The following KHDC4 variants were observed in gnomAD, a reference collection of about 807,000 sequenced individuals.
KHDC4 encodes KH homology domain-containing protein 4.
KHDC4 carries 19 observed loss-of-function variants against 74.5 expected under a neutral mutation model. That is an observed-to-expected ratio of 0.26 (90% CI 0.18 to 0.37). The LOEUF is 0.37. Ranked by LOEUF, KHDC4 falls within the 10% of genes least tolerant of loss-of-function variation. The pLI, the probability that KHDC4 is intolerant of heterozygous loss-of-function variation, is 1.00. For missense variants in KHDC4, 632 were observed against 754.1 expected, an observed-to-expected ratio of 0.84 and a Z score of 1.90; for synonymous variants, 253 against 266.1, an observed-to-expected ratio of 0.95 and a Z score of 0.48.
intron 2 of KHDC4, chr1:155,932,483 C>G (rs1397934108): frequency 1.3e-5 from 2 of 151,934 alleles, no homozygotes; most frequent in Non-Finnish European, 2.9e-5. Flanking sequence ...GATTCTAAAT[C>G]CAGTGTTTAT....
intron 8 of KHDC4, among the ~76,000 whole-genome samples, chr1:155,923,228 T>C (rs1055117638): frequency 9.2e-5 from 14 of 151,648 alleles, no homozygotes; most frequent in African/African-American, 2.7e-4. Flanking sequence ...TAACTTTTGG[T>C]TGTTTATAGA....
At position 155,933,857 on chromosome 1, in the gene KHDC4, G is replaced by A. The variant is rs751997204; in HGVS notation, c.39-8C>T. The A allele has an allele frequency of 1.3e-6, 2 of 1,519,740 alleles. No homozygotes were observed. The highest frequency in any genetic ancestry group is 4.5e-5 in the Admixed American group (2 of 44,286). The allele number at this position is 1,519,740 out of a possible 1,614,324, so 94.1% of individuals were successfully genotyped here. A position where few individuals can be genotyped will look rare whatever the true frequency, so the allele number is the denominator to read the frequency against. On this transcript the variant is annotated splice_polypyrimidine_tract_variant and splice_region_variant and intron_variant, in intron 1 of 13. Transcript: ENST00000368321. ...TCCCATTTGCTGCGGCGCCTACATG[G>A]AGAAAAAGGAAAACATTAGGCCCCA...
chr1:155,933,386 G>A (rs1309047313), intron 2 of KHDC4, among the ~76,000 whole-genome samples: 1 of 151,962 alleles, frequency 6.6e-6, no homozygotes, highest in Non-Finnish European at 1.5e-5. Flanking sequence ...CGCCTCCCGG[G>A]TTCAAGCAGT....
intron 10 of KHDC4, among the ~76,000 whole-genome samples, chr1:155,918,771 T>C (rs1673787592): frequency 6.6e-6 from 1 of 152,204 alleles, no homozygotes. Context: ...GGTGGCTGAC[T>C]GTATTAATAA....
chr1:155,916,346 T>A (rs771851196), intron 12 of KHDC4, among the ~76,000 whole-genome samples: 6 of 152,208 alleles, frequency 3.9e-5, no homozygotes, highest in Non-Finnish European at 7.3e-5. Context: ...TCTGTTACTG[T>A]CTACCCTTAG....
At chr1:155,933,291 C>CTT (rs34151525) in intron 2 of KHDC4, among the ~76,000 whole-genome samples, 22 of 143,882 alleles carry the variant, frequency 1.5e-4, no homozygotes, top group Non-Finnish European at 2.1e-4. Context: ...TTACAAACAA[C>CTT]TTTTTTTTTT....
intron 13 of KHDC4, 86 bp from the exon 14 acceptor site, chr1:155,914,406 G>A (rs1673688402): frequency 8.7e-7 from 1 of 1,151,274 alleles, no homozygotes; most frequent in South Asian, 1.4e-5. Flanking sequence ...AAAAAAAGAT[G>A]TTAATTTTAA....
At chr1:155,920,333 G>A (rs1352933205) in intron 10 of KHDC4, among the ~76,000 whole-genome samples, 1 of 152,034 alleles carries the variant, frequency 6.6e-6, no homozygotes, top group African/African-American at 2.4e-5. Context: ...AGCTACTTGG[G>A]AGGCTGAGGC....
intron 3 of KHDC4, 45 bp from the exon 4 acceptor site, chr1:155,929,420 A>G: frequency 6.9e-7 from 1 of 1,452,150 alleles, no homozygotes. Flanking sequence ...CAATTGGTTG[A>G]TTTCAATGGC....
At chr1:155,931,595 T>C (rs1572015082) in intron 2 of KHDC4, among the ~76,000 whole-genome samples, 1 of 152,176 alleles carries the variant, frequency 6.6e-6, no homozygotes, top group African/African-American at 2.4e-5. Context: ...CTAATTGTTT[T>C]TGTATTTTCT....
Position 155,914,297 on chromosome 1 carries a change from T to G in KHDC4, c.1669A>C (p.Thr557Pro), listed in dbSNP as rs779647177. The G allele has an allele frequency of 1.5e-5, 24 of 1,613,804 alleles. No individual in the cohort carries two copies. The highest frequency in any genetic ancestry group is 1.8e-5 in the Non-Finnish European group (21 of 1,179,952). ...ACCAAGCCAAATCCCTTCTCTGTAG[T>G]TTTCATCTTCTTGGCTGGATAATCT... ...SHDYPAKKMK[T>P]TEKGFGLVAY... Residue 557 changes from threonine to proline, a missense_variant, in exon 14 of 14, where the codon ACT (threonine) becomes CCT (proline). Thr to Pro is a conservative substitution (Grantham distance 38). Coordinates refer to ENST00000368321, the MANE Select transcript of KHDC4 (RefSeq NM_014949.4).
chr1:155,923,029 C>T (rs984837215), intron 8 of KHDC4, among the ~76,000 whole-genome samples: 22 of 152,004 alleles, frequency 1.4e-4, no homozygotes, highest in Non-Finnish European at 2.6e-4. Flanking sequence ...AACGGTGAAA[C>T]CCCGTCTCTA....
Position 155,916,672 on chromosome 1 carries a change from T to C in KHDC4, c.1506A>G (p.Ala502=), listed in dbSNP as rs761387248. 2.5e-6 allele frequency: 4 copies of C among 1,613,896 alleles called. No individual in the cohort carries two copies. Among genetic ancestry groups the C allele is most frequent in the Non-Finnish European group, 3.4e-6 (4 of 1,180,000 alleles). ...CTGAGGAACTTGCTGGCTTCGATCC[T>C]GCACCTTCAATCTCATTCTGACTGG... ...GFSSQNEIEG[A]GSKPASSSGK... Residue 502 remains alanine (A), a synonymous_variant, in exon 12 of 14, where the codon GCA becomes GCG. Coordinates refer to ENST00000368321, the MANE Select transcript of KHDC4 (RefSeq NM_014949.4).
In KHDC4 at chr1:155,922,005, C is replaced by A; in HGVS notation, c.955-87G>T. 5.2e-6 allele frequency: 4 copies of A among 766,262 alleles called. No homozygotes were observed. In the South Asian group the frequency reaches 6.7e-5, roughly 13 times the overall value. The allele number at this position is 766,262 out of a possible 1,614,324, so 47.5% of individuals were successfully genotyped here. ...TGATTACATAATTCTAGGACCAAAG[C>A]CATTAGGAATTAAAATATATCTACC... On this transcript the variant is annotated intron_variant, in intron 8 of 13. Transcript: ENST00000368321.
rs754542490 is a variant in KHDC4, at chr1:155,921,564, G to A, written c.1077C>T (p.Gly359=). Residue 359 remains glycine (G), a synonymous_variant, in exon 10 of 14, where the codon GGC becomes GGT. Coordinates refer to ENST00000368321, the MANE Select transcript of KHDC4 (RefSeq NM_014949.4). ...GAACAACAGGGTAACCAGACTGATAGCCATTGGATGGATAATATGGTGGTT... is the reference window on the plus strand; with the variant it reads ...GAACAACAGGGTAACCAGACTGATAACCATTGGATGGATAATATGGTGGTT... The part of the protein sequence containing the change: ...PPQPPYYPSN[G]YQSGYPVVPP... 6.2e-7 allele frequency: 1 copy of A among 1,614,066 alleles called. No individual in the cohort carries two copies. The highest frequency in any genetic ancestry group is 1.1e-5 in the South Asian group (1 of 91,074).
At position 155,929,373 on chromosome 1, in the gene KHDC4, G is replaced by T. The variant is rs771782406; in HGVS notation, c.387C>A (p.Ile129=). Residue 129 remains isoleucine, a splice_region_variant and synonymous_variant, in exon 4 of 14, where the codon ATC becomes ATA. Transcript: ENST00000368321. ...LLTRGQTQDE[I]SRLSGAAVST... is the part of the protein sequence containing the mutation. ...ATACTGCAGCCCCACTAAGTCGGCTGATCTAAAAAAGGAAATGTTCAATTA... is the reference window on the plus strand; with the variant it reads ...ATACTGCAGCCCCACTAAGTCGGCTTATCTAAAAAAGGAAATGTTCAATTA... 2 of 1,611,576 alleles carry T rather than the reference G, an allele frequency of 1.2e-6. No homozygotes were observed. The highest frequency in any genetic ancestry group is 1.7e-6 in the Non-Finnish European group (2 of 1,179,000).
chr1:155,919,999 T>TA (rs775014462), intron 10 of KHDC4: 3 of 518,064 alleles, frequency 5.8e-6, no homozygotes, highest in Non-Finnish European at 1.2e-5. Context: ...ATGGGTACAC[T>TA]ATGAGAGGCC....
At chr1:155,929,638 G>T in intron 3 of KHDC4, 74 bp downstream of exon 3, 1 of 1,497,396 alleles carries the variant, frequency 6.7e-7, no homozygotes, top group Non-Finnish European at 9.0e-7. Flanking sequence ...AATATCTGAC[G>T]CCTGTCTATT....
chr1:155,927,845 CA>C (rs1674049004), intron 4 of KHDC4, among the ~76,000 whole-genome samples: 4 of 17,036 alleles, frequency 2.3e-4, no homozygotes, highest in African/African-American at 4.2e-4. Flanking sequence ...CACACACACA[CA>C]CACACACACA....
Sources: allele counts gnomAD v4.1 joint callset (sites outside exome capture counted in the v4.1 genomes callset), GRCh38; gene constraint gnomAD v4.1.1; transcripts MANE v1.5; gene names NCBI Gene and HGNC (gene_info 2026-07-23, HGNC 2026-07-21).